Variants in PLXDC1 observed in about 807,000 individuals in gnomAD.
PLXDC1 encodes plexin domain-containing protein 1.
A neutral mutation model predicts 61.3 loss-of-function variants in PLXDC1; 39 were observed. The ratio of observed to expected loss-of-function variants is 0.64; its 90% CI spans 0.49 to 0.83. The LOEUF (loss-of-function observed/expected upper bound fraction) is 0.83, where lower values mean the gene tolerates loss of function less well. PLXDC1 is among the 40% of genes least tolerant of loss of function. The pLI, the probability that PLXDC1 is intolerant of heterozygous loss-of-function variation, is 0.00. For synonymous variants in PLXDC1, 212 were observed against 254.5 expected (o/e 0.83, Z 1.59); for missense variants, 596 against 666.5 (o/e 0.89, Z 1.17).
intron 7 of PLXDC1, among the ~76,000 whole-genome samples, chr17:39,100,850 A>C (rs983830439): frequency 1.3e-5 from 2 of 152,238 alleles, no homozygotes; most frequent in Non-Finnish European, 2.9e-5. Context: ...GAGGACTGGG[A>C]GCGCAGGGGG....
intron 2 of PLXDC1, among the ~76,000 whole-genome samples, chr17:39,128,108 T>TAC: frequency 1.1e-5 from 1 of 95,136 alleles, no homozygotes; most frequent in African/African-American, 4.6e-5. Context: ...TATATATATA[T>TAC]ATATATGTAT....
chr17:39,083,359 G>T, intron 9 of PLXDC1, 100 bp downstream of exon 9: 1 of 846,256 alleles, frequency 1.2e-6, no homozygotes, highest in Non-Finnish European at 2.0e-6. Context: ...ATACTCTCAT[G>T]TTGGCTGACT....
chr17:39,151,460 C>T lies in PLXDC1; in HGVS notation c.-23G>A, dbSNP rs1445326088. On this transcript the variant is annotated 5_prime_UTR_variant, in exon 1 of 14. Transcript: ENST00000315392. The surrounding 1 kb of genome is among the most constrained non-coding windows in gnomAD (Gnocchi z 5.2). ...CATGGTGGGTGCCCGGACCTGCCCC[C>T]GGCCTGCTTGCTGCCCCGGTCCTGA... The T allele has an allele frequency of 9.6e-6, 12 of 1,248,944 alleles. No individual in the cohort carries two copies. The highest frequency in any genetic ancestry group is 1.2e-5 in the Non-Finnish European group (12 of 996,096). The allele number at this position is 1,248,944 out of a possible 1,614,324, so 77.4% of individuals were successfully genotyped here. A position where few individuals can be genotyped will look rare whatever the true frequency, so the allele number is the denominator to read the frequency against.
chr17:39,117,971 G>C (rs931529475), intron 2 of PLXDC1, among the ~76,000 whole-genome samples: 2 of 152,070 alleles, frequency 1.3e-5, no homozygotes, highest in African/African-American at 4.8e-5. Flanking sequence ...AGTTTACCCA[G>C]GTTCCTCAGG....
At chr17:39,113,508 C>T (rs542565413) in intron 2 of PLXDC1, among the ~76,000 whole-genome samples, 9 of 152,190 alleles carry the variant, frequency 5.9e-5, no homozygotes, top group East Asian at 1.9e-4. Context: ...ACAAAGGTTA[C>T]GCCCCTTCCG....
rs183720253 is a variant in PLXDC1, at chr17:39,070,927, G to A, written c.1223-911C>T. 2.2e-4 allele frequency among the ~76,000 whole-genome samples: 33 copies of A among 152,290 alleles called. No individual in the cohort carries two copies. In the East Asian group the frequency reaches 5.2e-3, roughly 24 times the overall value. On this transcript the variant is annotated intron_variant, in intron 12 of 13. Transcript: ENST00000315392. ...TAGGAGGCGGAGGTTGCAGTGAGCC[G>A]AGATCGCACCACTGCACTCCAGCAT...
chr17:39,107,662 C>T, intron 5 of PLXDC1, 137 bp from the exon 6 acceptor site: 1 of 725,776 alleles, frequency 1.4e-6, no homozygotes. Flanking sequence ...GGTAAGGAGG[C>T]AGGAGCTGGG....
intron 2 of PLXDC1, among the ~76,000 whole-genome samples, chr17:39,135,568 T>C (rs1380484137): frequency 6.6e-6 from 1 of 151,624 alleles, no homozygotes; most frequent in Non-Finnish European, 1.5e-5. Context: ...TCCCAGCTAC[T>C]TGGGAGGCTG....
chr17:39,136,529 G>A lies in PLXDC1; in HGVS notation c.255+3125C>T, dbSNP rs140951257. On this transcript the variant is annotated intron_variant, in intron 2 of 13. Transcript: ENST00000315392. ...CTCCCAAAGTGCTGGGATTACAGGC[G>A]TGAGCCACCGTGCCCGGCCCAAAGT... Among the ~76,000 whole-genome samples the A allele has an allele frequency of 4.0e-3, 604 of 152,140 alleles. 1 individual carries two copies. Among genetic ancestry groups the A allele is most frequent in the African/African-American group, 0.014 (576 of 41,518 alleles).
intron 7 of PLXDC1, among the ~76,000 whole-genome samples, chr17:39,102,744 A>ACACT (rs1491541593): frequency 0.029 from 2,649 of 92,688 alleles, 76 homozygotes; most frequent in African/African-American, 0.11. Context: ...ACACACACTC[A>ACACT]CTCACCTGAA....
chr17:39,099,945 C>T (rs1226934775), intron 7 of PLXDC1, among the ~76,000 whole-genome samples: 1 of 151,994 alleles, frequency 6.6e-6, no homozygotes, highest in Admixed American at 6.6e-5. Flanking sequence ...TTCTAGCCAG[C>T]GGAATGTGGC....
intron 7 of PLXDC1, among the ~76,000 whole-genome samples, chr17:39,098,121 C>T (rs1910285628): frequency 1.4e-5 from 2 of 147,064 alleles, no homozygotes; most frequent in South Asian, 2.1e-4. Context: ...AGGAGAATTG[C>T]TTGAACCCAG....
chr17:39,097,936 G>C (rs956518819), intron 7 of PLXDC1, among the ~76,000 whole-genome samples: 2 of 148,276 alleles, frequency 1.3e-5, no homozygotes, highest in African/African-American at 5.0e-5. Flanking sequence ...CAGGTGCAAC[G>C]GCTCACGCCT....
At chr17:39,112,377 A>G (rs901112171) in intron 2 of PLXDC1, 3 of 152,076 alleles carry the variant, frequency 2.0e-5, no homozygotes, top group Non-Finnish European at 2.9e-5. Context: ...GCTTATTAAG[A>G]GACATCAGTT....
chr17:39,152,405 C>G (rs2045380162), upstream of PLXDC1: 2 of 773,608 alleles, frequency 2.6e-6, no homozygotes. Context: ...CTGTCACCAC[C>G]TTCTGACAGG....
intron 1 of PLXDC1, among the ~76,000 whole-genome samples, chr17:39,146,544 G>A (rs955610836): frequency 4.6e-5 from 7 of 151,980 alleles, no homozygotes; most frequent in Non-Finnish European, 1.0e-4. Context: ...GGACATGGTG[G>A]CTCATGCCTG....
chr17:39,128,097 G>GTATATATATATATATATA (rs1419922925), intron 2 of PLXDC1, among the ~76,000 whole-genome samples: 4,503 of 67,390 alleles, frequency 0.067, 507 homozygotes, highest in East Asian at 0.13. Flanking sequence ...CTCTCTATGT[G>GTATATATATATATATATA]TATATATATA....
intron 7 of PLXDC1, among the ~76,000 whole-genome samples, chr17:39,088,958 AAAAAAAG>A (rs1312574405): frequency 5.9e-5 from 8 of 136,248 alleles, no homozygotes; most frequent in Admixed American, 2.4e-4. Context: ...AAAAAAAAAA[AAAAAAAG>A]AGAGAGAGAG....
chr17:39,103,184 C>T (rs1910484918), intron 7 of PLXDC1, among the ~76,000 whole-genome samples: 1 of 150,990 alleles, frequency 6.6e-6, no homozygotes, highest in South Asian at 2.1e-4. Flanking sequence ...CACTGCACTC[C>T]AGCCTGGGCG....
Sources: gnomAD v4.1 joint callset for allele counts (sites outside exome capture counted in the v4.1 genomes callset) on GRCh38, gnomAD v4.1.1 for gene constraint, Gnocchi (gnomAD v3.1) non-coding constraint, MANE v1.5 for transcripts, NCBI Gene and HGNC (gene_info 2026-07-23, HGNC 2026-07-21) for gene names.